The following PRH1 variants were observed in gnomAD, a reference collection of about 807,000 sequenced individuals.
PRH1 encodes the protein salivary acidic proline-rich phosphoprotein 1/2.
A neutral mutation model predicts 7.9 loss-of-function variants in PRH1; 7 were observed. The ratio of observed to expected loss-of-function variants is 0.89; its 90% CI spans 0.50 to 1.67. The LOEUF (loss-of-function observed/expected upper bound fraction) is 1.67, where lower values mean the gene tolerates loss of function less well. Ranked by LOEUF, PRH1 falls within the 40% of genes most tolerant of loss-of-function variation. PRH1 has a pLI of 0.00. For synonymous variants in PRH1, 45 were observed against 80.8 expected, an observed-to-expected ratio of 0.56 and a Z score of 2.38; for missense variants, 109 against 223.6, an observed-to-expected ratio of 0.49 and a Z score of 3.27.
In PRH1 at chr12:11,141,909, T is replaced by A. The variant is rs540539729; in HGVS notation, n.40-20729A>T. Among the ~76,000 whole-genome samples, 13 of 152,278 alleles carry A rather than the reference T, an allele frequency of 8.5e-5. No individual in the cohort carries two copies. In the East Asian group the frequency reaches 2.1e-3, roughly 25 times the overall value. On this transcript the variant is annotated intron_variant and non_coding_transcript_variant, in intron 1 of 1. Coordinates refer to the PRH1 transcript ENST00000541175. Reference sequence around the variant, plus strand: ...CCCAAGTGGTCCTCCCACCTCACCTTCTGGAGTAGCTGGGACTACAGGCAT... The same window carrying A: ...CCCAAGTGGTCCTCCCACCTCACCTACTGGAGTAGCTGGGACTACAGGCAT...
At chr12:11,033,011 C>T (rs2136105901) in intron 1 of PRH1, among the ~76,000 whole-genome samples, 1 of 152,222 alleles carries the variant, frequency 6.6e-6, no homozygotes, top group Middle Eastern at 3.4e-3. Flanking sequence ...CCACCTGATC[C>T]AGATTAAATT....
chr12:11,039,806 C>T (rs189215102), intron 1 of PRH1, among the ~76,000 whole-genome samples: 1 of 152,200 alleles, frequency 6.6e-6, no homozygotes, highest in Admixed American at 6.5e-5. Context: ...CAAGCTCATT[C>T]ATACAAACAC....
At chr12:11,164,467 T>C (rs149278154) in intron 1 of PRH1, among the ~76,000 whole-genome samples, 48 of 152,302 alleles carry the variant, frequency 3.2e-4, no homozygotes, top group African/African-American at 1.0e-3. Flanking sequence ...ATTATGAAAA[T>C]TGGCTCATAA....
chr12:11,146,529 T>C (rs1479121921), intron 1 of PRH1, among the ~76,000 whole-genome samples: 1 of 152,160 alleles, frequency 6.6e-6, no homozygotes, highest in Non-Finnish European at 1.5e-5. Context: ...AGATGTATAA[T>C]TAGACTAGAG....
chr12:11,111,588 A>AG (rs1222129904), intron 1 of PRH1, among the ~76,000 whole-genome samples: 2 of 152,166 alleles, frequency 1.3e-5, no homozygotes, highest in African/African-American at 4.8e-5. Flanking sequence ...GAAATAAATA[A>AG]GTTCTTTGAA....
chr12:11,099,550 A>C (rs1350153518), intron 1 of PRH1, among the ~76,000 whole-genome samples: 5 of 152,122 alleles, frequency 3.3e-5, no homozygotes, highest in African/African-American at 1.2e-4. Context: ...TACAAAAATT[A>C]GGTGGGCTCA....
intron 1 of PRH1, among the ~76,000 whole-genome samples, chr12:11,039,808 T>C (rs1038965662): frequency 5.8e-4 from 88 of 152,236 alleles, no homozygotes; most frequent in African/African-American, 2.0e-3. Flanking sequence ...AGCTCATTCA[T>C]ACAAACACAT....
chr12:11,040,288 G>C (rs1942652939), intron 1 of PRH1, among the ~76,000 whole-genome samples: 1 of 152,106 alleles, frequency 6.6e-6, no homozygotes, highest in Admixed American at 6.6e-5. Flanking sequence ...AGAGGATTTT[G>C]GAGTCAAACT....
chr12:10,894,328 G>A (rs1949615845), intron 2 of PRH1, among the ~76,000 whole-genome samples: 1 of 152,146 alleles, frequency 6.6e-6, no homozygotes, highest in South Asian at 2.1e-4. Context: ...GATGGTCAAA[G>A]TTGCTTAGTG....
chr12:11,042,845 G>A (rs1049808861), intron 1 of PRH1, among the ~76,000 whole-genome samples: 8 of 151,802 alleles, frequency 5.3e-5, no homozygotes, highest in African/African-American at 1.7e-4. Context: ...TAGCCAGGAT[G>A]GTCTTGATCT....
intron 1 of PRH1, among the ~76,000 whole-genome samples, chr12:11,042,562 G>A (rs887480181): frequency 7.0e-6 from 1 of 143,740 alleles, no homozygotes; most frequent in Non-Finnish European, 1.5e-5. Context: ...AAGAACTGAT[G>A]CCAATCCTAC....
At chr12:11,164,025 G>A (rs1309254378) in intron 1 of PRH1, among the ~76,000 whole-genome samples, 2 of 152,144 alleles carry the variant, frequency 1.3e-5, no homozygotes, top group African/African-American at 4.8e-5. Flanking sequence ...ATACTCCTAG[G>A]AATCACCCAC....
chr12:10,910,517 T>C (rs1949882295), intron 2 of PRH1, among the ~76,000 whole-genome samples: 1 of 152,056 alleles, frequency 6.6e-6, no homozygotes, highest in Non-Finnish European at 1.5e-5. Flanking sequence ...TATAGTGTGG[T>C]GTCTCTCACT....
chr12:11,020,322 T>C (rs1039671905), intron 1 of PRH1, among the ~76,000 whole-genome samples: 6 of 149,868 alleles, frequency 4.0e-5, no homozygotes, highest in Non-Finnish European at 7.4e-5. Context: ...ACCTCTCTTT[T>C]TATGGTGATT....
chr12:11,137,188 C>T (rs137895119), intron 1 of PRH1, among the ~76,000 whole-genome samples: 1 of 150,710 alleles, frequency 6.6e-6, no homozygotes, highest in Non-Finnish European at 1.5e-5. Flanking sequence ...ATCTCAACCA[C>T]AGCTCCACCA....
chr12:11,117,098 A>G (rs965313988), downstream of PRH1, among the ~76,000 whole-genome samples: 1 of 152,152 alleles, frequency 6.6e-6, no homozygotes, highest in Non-Finnish European at 1.5e-5. Flanking sequence ...AATAAAGAGC[A>G]TCCACATAGG....
intron 1 of PRH1, chr12:11,091,780 ATTC>A: frequency 7.1e-7 from 1 of 1,400,964 alleles, no homozygotes; most frequent in Non-Finnish European, 1.0e-6. Flanking sequence ...GCACAATCTC[ATTC>A]ATGTTTATCA....
chr12:11,119,316 C>CA (rs67638054), downstream of PRH1, among the ~76,000 whole-genome samples: 11 of 147,640 alleles, frequency 7.5e-5, no homozygotes, highest in African/African-American at 2.0e-4. Context: ...TAATGGCTAC[C>CA]AAAAAAAAAA....
At chr12:10,949,232 C>T (rs1223019350) in intron 2 of PRH1, among the ~76,000 whole-genome samples, 1 of 152,188 alleles carries the variant, frequency 6.6e-6, no homozygotes, top group Non-Finnish European at 1.5e-5. Context: ...AGCAAACACT[C>T]AGTGCAGTCA....
Sources: gnomAD v4.1 joint callset for allele counts (sites outside exome capture counted in the v4.1 genomes callset) on GRCh38, gnomAD v4.1.1 for gene constraint, MANE v1.5 for transcripts, NCBI Gene and HGNC (gene_info 2026-07-23, HGNC 2026-07-21) for gene names.